The following CPA6 variants were observed in gnomAD, a reference collection of about 807,000 sequenced individuals.
The protein encoded by CPA6 is carboxypeptidase A6, also known as carboxypeptidase B.
A neutral mutation model predicts 63.3 loss-of-function variants in CPA6; 58 were observed. The ratio of observed to expected loss-of-function variants is 0.92; its 90% CI spans 0.74 to 1.14. The LOEUF is 1.14. Ranked by LOEUF, CPA6 falls within the 50% of genes most tolerant of loss-of-function variation. CPA6 has a pLI of 0.00. For missense variants in CPA6, 565 were observed against 526.6 expected (o/e 1.07, Z -0.71); for synonymous variants, 185 against 179.0 (o/e 1.03, Z -0.27).
chr8:67,719,351 G>C (rs1415240829), intron 1 of CPA6, among the ~76,000 whole-genome samples: 2 of 152,126 alleles, frequency 1.3e-5, no homozygotes, highest in Non-Finnish European at 2.9e-5. Flanking sequence ...GATACAGATG[G>C]AGGGAATGGG....
At chr8:67,555,104 A>G (rs1813030484) in intron 2 of CPA6, among the ~76,000 whole-genome samples, 1 of 152,170 alleles carries the variant, frequency 6.6e-6, no homozygotes, top group Non-Finnish European at 1.5e-5. Context: ...ATCAACCCAC[A>G]ATAAATATTT....
intron 1 of CPA6, among the ~76,000 whole-genome samples, chr8:67,707,891 G>A (rs2128999845): frequency 6.7e-6 from 1 of 148,848 alleles, no homozygotes; most frequent in East Asian, 2.0e-4. Context: ...TCCAGCCTGG[G>A]CTACAGGGCA....
intron 1 of CPA6, among the ~76,000 whole-genome samples, chr8:67,631,605 G>T (rs1815331548): frequency 6.6e-6 from 1 of 152,042 alleles, no homozygotes; most frequent in African/African-American, 2.4e-5. Context: ...GGATGTGGGT[G>T]GGGCCAGATA....
intron 1 of CPA6, among the ~76,000 whole-genome samples, chr8:67,700,180 C>T (rs183217484): frequency 1.3e-3 from 191 of 152,310 alleles, no homozygotes; most frequent in Middle Eastern, 3.4e-3. Context: ...GTACTATGTA[C>T]AGGCCTGCAG....
Position 67,432,417 on chromosome 8 carries a change from T to C in CPA6, c.1041+1621A>G, listed in dbSNP as rs565518785. Reference sequence around the variant, plus strand: ...GCCCTGAGCCCCTTCCCCCATACATTGCCGTATGCTTCTCTTCCATTTGGC... The same window carrying C: ...GCCCTGAGCCCCTTCCCCCATACATCGCCGTATGCTTCTCTTCCATTTGGC... On this transcript the variant is annotated intron_variant, in intron 9 of 10. Coordinates refer to ENST00000297770, the MANE Select transcript of CPA6 (RefSeq NM_020361.5). Among the ~76,000 whole-genome samples, 3 of 152,214 alleles carry C rather than the reference T, an allele frequency of 2.0e-5. No homozygotes were observed. The East Asian group carries it at 5.8e-4, about 30-fold the overall frequency.
At chr8:67,542,680 A>G (rs1812732654) in intron 2 of CPA6, among the ~76,000 whole-genome samples, 1 of 152,222 alleles carries the variant, frequency 6.6e-6, no homozygotes, top group Non-Finnish European at 1.5e-5. Context: ...TCCACCCAGC[A>G]CATTAATCTT....
chr8:67,584,390 T>C (rs1813867382), intron 2 of CPA6, among the ~76,000 whole-genome samples: 1 of 152,128 alleles, frequency 6.6e-6, no homozygotes, highest in Non-Finnish European at 1.5e-5. Flanking sequence ...ACCCTAAACA[T>C]ATAAATAATA....
intron 6 of CPA6, among the ~76,000 whole-genome samples, chr8:67,491,698 A>G (rs1449824538): frequency 1.3e-5 from 2 of 152,180 alleles, no homozygotes; most frequent in Non-Finnish European, 2.9e-5. Context: ...TCTAATCTGT[A>G]AGGATATTTT....
intron 1 of CPA6, among the ~76,000 whole-genome samples, chr8:67,676,269 C>T (rs771106765): frequency 1.3e-5 from 2 of 152,218 alleles, no homozygotes; most frequent in Non-Finnish European, 2.9e-5. Context: ...TTCGCATTCA[C>T]TTCCCACCAA....
At chr8:67,582,327 A>AGCCT (rs1813796722) in intron 2 of CPA6, among the ~76,000 whole-genome samples, 1 of 152,212 alleles carries the variant, frequency 6.6e-6, no homozygotes. Flanking sequence ...GGGAGCACGT[A>AGCCT]GCCTATGAAT....
chr8:67,629,888 C>T (rs1218642676), intron 1 of CPA6, among the ~76,000 whole-genome samples: 8 of 151,956 alleles, frequency 5.3e-5, no homozygotes, highest in Non-Finnish European at 8.8e-5. Flanking sequence ...GGGTGGATCA[C>T]GAGGTCAGGA....
intron 1 of CPA6, among the ~76,000 whole-genome samples, chr8:67,739,649 C>A (rs1246157981): frequency 6.6e-6 from 1 of 152,148 alleles, no homozygotes; most frequent in Non-Finnish European, 1.5e-5. Flanking sequence ...ATGAAGCTCT[C>A]TACTTCTCTG....
intron 1 of CPA6, among the ~76,000 whole-genome samples, chr8:67,659,384 A>C (rs1306582649): frequency 6.6e-6 from 1 of 152,250 alleles, no homozygotes; most frequent in African/African-American, 2.4e-5. Flanking sequence ...GTAACTCAGC[A>C]CTACACGTAA....
intron 2 of CPA6, among the ~76,000 whole-genome samples, chr8:67,554,953 A>G (rs552126156): frequency 1.3e-5 from 2 of 152,156 alleles, no homozygotes; most frequent in South Asian, 2.1e-4. Flanking sequence ...GGGGCAGTCC[A>G]ATCGTCTGAA....
In CPA6 at chr8:67,728,090, AAC is replaced by A. The variant is rs1357833347; in HGVS notation, c.116+17922_116+17923del. Among the ~76,000 whole-genome samples, 1,234 of 149,584 alleles carry A rather than the reference AAC, an allele frequency of 8.2e-3. 29 individuals carry two copies. Among genetic ancestry groups the A allele is most frequent in the African/African-American group, 0.03 (1,187 of 39,786 alleles). ...GAGACTCTGTCTCAAAAAAAAAAAA[AAC>A]AAAAAAAACCCACAAAAACCAACAA... is the stretch of plus-strand genomic sequence containing the variant. On this transcript the variant is annotated intron_variant, in intron 1 of 10. Coordinates refer to ENST00000297770, the MANE Select transcript of CPA6 (RefSeq NM_020361.5).
At chr8:67,514,328 A>T (rs1812101097) in intron 3 of CPA6, among the ~76,000 whole-genome samples, 1 of 152,210 alleles carries the variant, frequency 6.6e-6, no homozygotes. Flanking sequence ...GTTTTATGGT[A>T]GAATGAATCA....
At chr8:67,427,907 C>G (rs1809929406) in intron 10 of CPA6, 140 bp downstream of exon 10, 1 of 597,510 alleles carries the variant, frequency 1.7e-6, no homozygotes, top group Admixed American at 3.2e-5. Context: ...ATATAAACTC[C>G]TTCTATTTTC....
chr8:67,588,775 C>G (rs966349247), intron 2 of CPA6, among the ~76,000 whole-genome samples: 1 of 152,078 alleles, frequency 6.6e-6, no homozygotes, highest in African/African-American at 2.4e-5. Flanking sequence ...TTCATTTGGG[C>G]CCAGCCCCAA....
chr8:67,563,796 A>G (rs1189213086), intron 2 of CPA6, among the ~76,000 whole-genome samples: 1 of 152,152 alleles, frequency 6.6e-6, no homozygotes, highest in Non-Finnish European at 1.5e-5. Flanking sequence ...ATGTCCTTCA[A>G]GGCTGTCCTT....
Sources: gnomAD v4.1 joint callset for allele counts (sites outside exome capture counted in the v4.1 genomes callset) on GRCh38, gnomAD v4.1.1 for gene constraint, MANE v1.5 for transcripts, NCBI Gene and HGNC (gene_info 2026-07-23, HGNC 2026-07-21) for gene names.